The following DNAJC1 variants were observed in gnomAD, a reference collection of about 807,000 sequenced individuals.
The protein encoded by DNAJC1 is dnaJ homolog subfamily C member 1.
Under a neutral mutation model 76.6 loss-of-function variants are expected in DNAJC1, and 58 were observed. That is an observed-to-expected ratio of 0.76 (90% CI 0.61 to 0.94). The LOEUF is 0.94. DNAJC1 is among the 40% of genes least tolerant of loss of function. The probability of loss-of-function intolerance (pLI) is 0.00; values close to 1 mark genes in which losing one functional copy is unlikely to be tolerated. For synonymous variants in DNAJC1, 258 were observed against 267.9 expected (o/e 0.96, Z 0.36); for missense variants, 689 against 677.3 (o/e 1.02, Z -0.19).
intron 1 of DNAJC1, among the ~76,000 whole-genome samples, chr10:21,980,376 T>C (rs976466844): frequency 6.6e-6 from 1 of 152,076 alleles, no homozygotes; most frequent in Non-Finnish European, 1.5e-5. Context: ...CCTGATACAA[T>C]ACACTGAAAA....
chr10:21,964,889 C>T (rs1458861878), intron 1 of DNAJC1, among the ~76,000 whole-genome samples: 2 of 152,094 alleles, frequency 1.3e-5, no homozygotes, highest in East Asian at 1.9e-4. Flanking sequence ...GAAAAGTCAT[C>T]AATCTATAAT....
intron 7 of DNAJC1, among the ~76,000 whole-genome samples, chr10:21,883,719 T>C (rs1057111597): frequency 1.3e-5 from 2 of 152,184 alleles, no homozygotes; most frequent in Non-Finnish European, 1.5e-5. Context: ...CATGATCATA[T>C]GGCTAAGTGG....
chr10:21,998,117 G>A (rs539282890), intron 1 of DNAJC1, among the ~76,000 whole-genome samples: 3 of 152,072 alleles, frequency 2.0e-5, no homozygotes, highest in Admixed American at 6.6e-5. Context: ...GAGGCTGGGC[G>A]CAGTGGTTCA....
chr10:21,899,358 C>T (rs1318509412), intron 7 of DNAJC1, among the ~76,000 whole-genome samples: 3 of 152,218 alleles, frequency 2.0e-5, no homozygotes, highest in Admixed American at 1.3e-4. Context: ...GCAGGCCCCA[C>T]TTCTATGGCA....
At chr10:21,981,181 T>C (rs1439854666) in intron 1 of DNAJC1, among the ~76,000 whole-genome samples, 2 of 152,314 alleles carry the variant, frequency 1.3e-5, no homozygotes, top group Admixed American at 1.3e-4. Flanking sequence ...CTCCCCGTTT[T>C]ATATTTGTGC....
intron 9 of DNAJC1, among the ~76,000 whole-genome samples, chr10:21,784,828 C>T (rs1834583902): frequency 6.6e-6 from 1 of 151,680 alleles, no homozygotes; most frequent in Admixed American, 6.6e-5. Context: ...CATGTTCTCA[C>T]ACATAGGTGG....
chr10:21,759,272 A>G lies in DNAJC1; in HGVS notation c.1494T>C (p.Thr498=). ...ERARSAEEPW[T]QNQQKLLELA... is the part of the protein sequence containing the mutation. ...GTTCCAGAAGTTTCTGTTGATTTTG[A>G]GTCCACGGCTCCTCTGCAGACCGAG... Residue 498 remains threonine (T), a synonymous_variant, in exon 11 of 12, where the codon ACT becomes ACC. Transcript: ENST00000376980. 1 of 1,614,174 alleles carries G rather than the reference A, an allele frequency of 6.2e-7. No homozygotes were observed. The highest frequency in any genetic ancestry group is 8.5e-7 in the Non-Finnish European group (1 of 1,180,032).
chr10:21,870,811 C>A (rs576854374), intron 8 of DNAJC1, among the ~76,000 whole-genome samples: 1 of 151,858 alleles, frequency 6.6e-6, no homozygotes, highest in African/African-American at 2.4e-5. Flanking sequence ...AAAGAAAGAA[C>A]AAAATACAGA....
intron 8 of DNAJC1, among the ~76,000 whole-genome samples, chr10:21,813,193 T>C (rs1438471526): frequency 5.6e-5 from 4 of 71,012 alleles, no homozygotes; most frequent in Admixed American, 1.3e-4. Context: ...TCTCTCTCTC[T>C]CTCTCTCTCT....
At chr10:21,982,053 T>C (rs1242632466) in intron 1 of DNAJC1, among the ~76,000 whole-genome samples, 2 of 152,176 alleles carry the variant, frequency 1.3e-5, no homozygotes, top group Admixed American at 6.5e-5. Flanking sequence ...TGATGTTTCC[T>C]CTAATCTTCC....
intron 1 of DNAJC1, among the ~76,000 whole-genome samples, chr10:21,969,515 A>G (rs1837944500): frequency 6.6e-6 from 1 of 152,208 alleles, no homozygotes; most frequent in African/African-American, 2.4e-5. Flanking sequence ...GATTCAAATG[A>G]GTCGGACTCT....
At chr10:21,939,245 G>T (rs1057306697) in intron 1 of DNAJC1, among the ~76,000 whole-genome samples, 1 of 152,146 alleles carries the variant, frequency 6.6e-6, no homozygotes, top group Non-Finnish European at 1.5e-5. Flanking sequence ...AGACTCAGGG[G>T]TATTAAATTG....
chr10:21,830,683 C>A (rs943053836), intron 8 of DNAJC1, among the ~76,000 whole-genome samples: 1 of 152,122 alleles, frequency 6.6e-6, no homozygotes, highest in Non-Finnish European at 1.5e-5. Context: ...ATTTCTCATT[C>A]TTTCTTTCTG....
chr10:21,997,524 GCA>G (rs1235532479), intron 1 of DNAJC1, among the ~76,000 whole-genome samples: 7 of 152,134 alleles, frequency 4.6e-5, no homozygotes, highest in Non-Finnish European at 8.8e-5. Flanking sequence ...TCCTAATCAA[GCA>G]AAACAGAGCA....
At chr10:21,825,498 A>T (rs806774) in intron 8 of DNAJC1, among the ~76,000 whole-genome samples, 118,540 of 152,174 alleles carry the variant, frequency 0.78, 47,188 homozygotes, top group East Asian at 0.98. Flanking sequence ...CATGGCTGTA[A>T]GTGTTATTTG....
intron 1 of DNAJC1, among the ~76,000 whole-genome samples, chr10:21,984,438 C>T (rs1838206786): frequency 6.6e-6 from 1 of 152,218 alleles, no homozygotes; most frequent in Non-Finnish European, 1.5e-5. Context: ...ACATACATCT[C>T]ATCCAATCCC....
chr10:21,770,034 T>A (rs973097096), intron 9 of DNAJC1, among the ~76,000 whole-genome samples: 1 of 152,166 alleles, frequency 6.6e-6, no homozygotes, highest in South Asian at 2.1e-4. Flanking sequence ...TTTTCCTCCA[T>A]TGCTTAATAG....
intron 3 of DNAJC1, among the ~76,000 whole-genome samples, chr10:21,927,273 C>T (rs986702328): frequency 6.6e-6 from 1 of 152,126 alleles, no homozygotes; most frequent in Admixed American, 6.5e-5. Context: ...ATCTGACAAG[C>T]AGAGGTATTC....
At chr10:21,829,244 T>A (rs1461723357) in intron 8 of DNAJC1, among the ~76,000 whole-genome samples, 1 of 151,738 alleles carries the variant, frequency 6.6e-6, no homozygotes, top group African/African-American at 2.4e-5. Flanking sequence ...AGATGGAGTC[T>A]CGCTTTGTCG....
Sources: allele counts gnomAD v4.1 joint callset (sites outside exome capture counted in the v4.1 genomes callset), GRCh38; gene constraint gnomAD v4.1.1; transcripts MANE v1.5; gene names NCBI Gene and HGNC (gene_info 2026-07-23, HGNC 2026-07-21).